The following RABGEF1 variants were observed in gnomAD, a reference collection of about 807,000 sequenced individuals.
RABGEF1 encodes rab5 GDP/GTP exchange factor.
In RABGEF1, 26 loss-of-function variants were observed where a neutral mutation model predicts 57.3. That is an observed-to-expected ratio of 0.45 (90% CI 0.33 to 0.63). The LOEUF (loss-of-function observed/expected upper bound fraction) is 0.63, where lower values mean the gene tolerates loss of function less well. RABGEF1 is among the 20% of genes least tolerant of loss of function. RABGEF1 has a pLI of 0.02. For synonymous variants in RABGEF1, 185 were observed against 210.7 expected, an observed-to-expected ratio of 0.88 and a Z score of 1.06; for missense variants, 464 against 607.6, an observed-to-expected ratio of 0.76 and a Z score of 2.48.
At chr7:66,707,108 G>A (rs1794216969) in intron 1 of RABGEF1, among the ~76,000 whole-genome samples, 1 of 152,166 alleles carries the variant, frequency 6.6e-6, no homozygotes, top group Non-Finnish European at 1.5e-5. Flanking sequence ...TTTGAAGTAT[G>A]TTGATTAGTT....
intron 2 of RABGEF1, among the ~76,000 whole-genome samples, chr7:66,727,866 C>T (rs573790875): frequency 3.3e-4 from 50 of 152,306 alleles, no homozygotes; most frequent in Non-Finnish European, 3.2e-4. Flanking sequence ...GGATTCCCAG[C>T]GGCTGCCTTG....
At chr7:66,794,710 G>A (rs569950063) in intron 4 of RABGEF1, among the ~76,000 whole-genome samples, 2 of 152,188 alleles carry the variant, frequency 1.3e-5, no homozygotes, top group Admixed American at 6.5e-5. Flanking sequence ...CATATTAAGC[G>A]GTTAATGCCA....
intron 1 of RABGEF1, among the ~76,000 whole-genome samples, chr7:66,687,451 A>C (rs987538079): frequency 4.6e-5 from 7 of 150,718 alleles, no homozygotes; most frequent in Admixed American, 6.7e-5. Context: ...CAGACTCCAT[A>C]ACCAAGAGAA....
chr7:66,767,776 C>A (rs1205020006), intron 1 of RABGEF1, among the ~76,000 whole-genome samples: 1 of 152,222 alleles, frequency 6.6e-6, no homozygotes, highest in Non-Finnish European at 1.5e-5. Flanking sequence ...CATCTGTTGA[C>A]TTCCTGATCT....
In RABGEF1 at chr7:66,753,701, G is replaced by GTTTTTTT. The variant is rs1224800315; in HGVS notation, c.-18+12926_-18+12932dup. Among the ~76,000 whole-genome samples, 187 of 78,764 alleles carry GTTTTTTT rather than the reference G, an allele frequency of 2.4e-3. 12 individuals are homozygous for GTTTTTTT. The highest frequency in any genetic ancestry group is 0.013 in the East Asian group (27 of 2,012). 51.7% of individuals were successfully genotyped at this position (78,764 alleles called of 152,430 possible). A position where few individuals can be genotyped will look rare whatever the true frequency, so the allele number is the denominator to read the frequency against. On this transcript the variant is annotated intron_variant, in intron 1 of 8. Coordinates refer to ENST00000284957, the MANE Select transcript of RABGEF1 (RefSeq NM_014504.3). Reference sequence around the variant, plus strand: ...ATCTGAAAATGTCTATTTTGCCATCGTTTTTTTTTTTTTTTTTTTTTTTGA... The same window carrying GTTTTTTT: ...ATCTGAAAATGTCTATTTTGCCATCGTTTTTTTTTTTTTTTTTTTTTTTTTTTTTTGA...
chr7:66,690,609 G>A (rs1156928838), intron 1 of RABGEF1, among the ~76,000 whole-genome samples: 1 of 151,444 alleles, frequency 6.6e-6, no homozygotes, highest in African/African-American at 2.4e-5. Flanking sequence ...CAGCTACTTG[G>A]GAGGCTGAGG....
the RABGEF1 span, among the ~76,000 whole-genome samples, chr7:66,661,502 C>G: frequency 6.6e-6 from 1 of 151,518 alleles, no homozygotes; most frequent in African/African-American, 2.4e-5. Context: ...TGGCTCCCAG[C>G]TGTAATCCCA....
chr7:66,765,359 G>A (rs1305719806), intron 1 of RABGEF1, among the ~76,000 whole-genome samples: 3 of 152,124 alleles, frequency 2.0e-5, no homozygotes, highest in African/African-American at 7.2e-5. Context: ...AATACATAGT[G>A]AGCTTTTATT....
intron 3 of RABGEF1, among the ~76,000 whole-genome samples, chr7:66,776,086 G>T (rs1808457001): frequency 6.6e-6 from 1 of 152,162 alleles, no homozygotes; most frequent in Non-Finnish European, 1.5e-5. Flanking sequence ...TTTGTTGTTA[G>T]GCCTCAGTCT....
chr7:66,734,345 A>G (rs1328531850), intron 2 of RABGEF1, among the ~76,000 whole-genome samples: 4 of 152,068 alleles, frequency 2.6e-5, no homozygotes, highest in Non-Finnish European at 5.9e-5. Context: ...TTTAAGCTCT[A>G]CCACCTCCTA....
chr7:66,680,916 A>G (rs1789669342), upstream of RABGEF1, among the ~76,000 whole-genome samples: 1 of 152,140 alleles, frequency 6.6e-6, no homozygotes. Flanking sequence ...CCCCGTCTCG[A>G]CTAAAAATAC....
chr7:66,718,760 G>T (rs1562732311), intron 2 of RABGEF1, among the ~76,000 whole-genome samples: 1 of 152,200 alleles, frequency 6.6e-6, no homozygotes. Context: ...CTCAAAGCCT[G>T]TGCTGTTTAG....
chr7:66,720,194 ATTTT>A (rs58442880), intron 2 of RABGEF1, among the ~76,000 whole-genome samples: 18 of 134,336 alleles, frequency 1.3e-4, no homozygotes, highest in East Asian at 6.6e-4. Context: ...TATTATTATT[ATTTT>A]TTTTTTTTTT....
the RABGEF1 span, among the ~76,000 whole-genome samples, chr7:66,675,758 A>G: frequency 6.6e-6 from 1 of 152,180 alleles, no homozygotes; most frequent in Non-Finnish European, 1.5e-5. Context: ...ACACACACAA[A>G]AATTAGTTGC....
chr7:66,704,049 G>T (rs1793663844), intron 1 of RABGEF1, among the ~76,000 whole-genome samples: 1 of 152,134 alleles, frequency 6.6e-6, no homozygotes, highest in Non-Finnish European at 1.5e-5. Flanking sequence ...TGATTTTGAA[G>T]CTATTGCACA....
the RABGEF1 span, among the ~76,000 whole-genome samples, chr7:66,668,436 G>A: frequency 2.0e-5 from 3 of 152,152 alleles, no homozygotes; most frequent in Admixed American, 6.6e-5. Context: ...GAGAATGGCC[G>A]GGAGTCCCTC....
At chr7:66,771,584 T>C (rs553212720) in intron 1 of RABGEF1, among the ~76,000 whole-genome samples, 197 of 152,310 alleles carry the variant, frequency 1.3e-3, no homozygotes, top group Non-Finnish European at 2.2e-3. Context: ...AGTTTTCTAG[T>C]TTGCAGCCTT....
intron 1 of RABGEF1, among the ~76,000 whole-genome samples, chr7:66,750,406 G>A (rs1801146822): frequency 6.6e-6 from 1 of 152,148 alleles, no homozygotes; most frequent in Non-Finnish European, 1.5e-5. Flanking sequence ...TTAAATACCA[G>A]CTATGTTGAG....
the RABGEF1 span, among the ~76,000 whole-genome samples, chr7:66,671,392 A>T: frequency 6.6e-6 from 1 of 151,812 alleles, no homozygotes; most frequent in Non-Finnish European, 1.5e-5. Flanking sequence ...GTGGAGAGGA[A>T]TAAGTGTAAT....
Sources: gnomAD v4.1 joint callset for allele counts (sites outside exome capture counted in the v4.1 genomes callset) on GRCh38, gnomAD v4.1.1 for gene constraint, MANE v1.5 for transcripts, NCBI Gene and HGNC (gene_info 2026-07-23, HGNC 2026-07-21) for gene names.